Variants in ERBB4 observed in about 807,000 individuals in gnomAD.
The protein encoded by ERBB4 is erb-b2 receptor tyrosine kinase 4.
In ERBB4, 42 loss-of-function variants were observed where a neutral mutation model predicts 158.0. The observed-to-expected ratio is 0.27, with a 90% CI of 0.21 to 0.34. The LOEUF (loss-of-function observed/expected upper bound fraction) is 0.34. Ranked by LOEUF, ERBB4 falls within the 10% of genes least tolerant of loss-of-function variation. The probability of loss-of-function intolerance (pLI) is 1.00; values close to 1 mark genes in which losing one functional copy is unlikely to be tolerated. For synonymous variants in ERBB4, 583 were observed against 558.7 expected (o/e 1.04, Z -0.61); for missense variants, 1,333 against 1,624.1 (o/e 0.82, Z 3.08).
chr2:212,119,648 T>C (rs1408230296), intron 2 of ERBB4, among the ~76,000 whole-genome samples: 3 of 152,148 alleles, frequency 2.0e-5, no homozygotes, highest in African/African-American at 7.2e-5. Context: ...TTTAGGGCCT[T>C]TTTCTAGCCA....
At chr2:211,932,441 A>G (rs2080203451) in intron 3 of ERBB4, among the ~76,000 whole-genome samples, 1 of 152,040 alleles carries the variant, frequency 6.6e-6, no homozygotes, top group Admixed American at 6.6e-5. Flanking sequence ...ATGGATTGTC[A>G]ACTGTTTGCC....
chr2:212,067,810 G>A (rs1413796641), intron 2 of ERBB4, among the ~76,000 whole-genome samples: 3 of 151,918 alleles, frequency 2.0e-5, no homozygotes, highest in African/African-American at 7.2e-5. Context: ...CTGTCTTTAA[G>A]ATTTCACAAT....
chr2:212,168,865 A>G (rs1438238245), intron 1 of ERBB4, among the ~76,000 whole-genome samples: 2 of 152,220 alleles, frequency 1.3e-5, no homozygotes, highest in Non-Finnish European at 2.9e-5. Context: ...TTGGAATTAC[A>G]GTAATGTAAC....
chr2:211,963,657 A>G (rs574559759), intron 2 of ERBB4, among the ~76,000 whole-genome samples: 1 of 151,668 alleles, frequency 6.6e-6, no homozygotes, highest in Admixed American at 6.6e-5. Flanking sequence ...TTCTCTCTCC[A>G]TTGTAACCTA....
chr2:211,846,529 T>G (rs2077593612), intron 3 of ERBB4, among the ~76,000 whole-genome samples: 3 of 152,102 alleles, frequency 2.0e-5, no homozygotes, highest in Admixed American at 2.0e-4. Context: ...TGGAGAAATA[T>G]TCCTCTTATT....
chr2:212,533,673 T>C (rs1375692885), intron 1 of ERBB4, among the ~76,000 whole-genome samples: 1 of 152,214 alleles, frequency 6.6e-6, no homozygotes, highest in Non-Finnish European at 1.5e-5. Context: ...AGTAAGGTTT[T>C]AACTCTGACT....
intron 1 of ERBB4, among the ~76,000 whole-genome samples, chr2:212,225,445 G>C (rs1574470767): frequency 1.4e-5 from 2 of 141,424 alleles, no homozygotes; most frequent in East Asian, 2.3e-4. Flanking sequence ...TCATAACTGT[G>C]CTTGATCTTT....
intron 1 of ERBB4, among the ~76,000 whole-genome samples, chr2:212,182,000 C>A (rs181507397): frequency 1.1e-4 from 17 of 151,784 alleles, no homozygotes; most frequent in Middle Eastern, 3.4e-3. Context: ...TGTGTGGTAA[C>A]CTTACCACAT....
chr2:211,642,382 T>C (rs1232045333), intron 16 of ERBB4, among the ~76,000 whole-genome samples: 1 of 152,070 alleles, frequency 6.6e-6, no homozygotes, highest in African/African-American at 2.4e-5. Flanking sequence ...ATCCTTTCCC[T>C]AGTTTCTTCC....
At chr2:212,210,957 C>G (rs999462168) in intron 1 of ERBB4, among the ~76,000 whole-genome samples, 11 of 152,110 alleles carry the variant, frequency 7.2e-5, no homozygotes, top group Non-Finnish European at 8.8e-5. Flanking sequence ...TCCATTATAT[C>G]TCCTCTGCCT....
chr2:211,760,541 C>T (rs1038685198), intron 4 of ERBB4, among the ~76,000 whole-genome samples: 6 of 152,180 alleles, frequency 3.9e-5, no homozygotes, highest in Non-Finnish European at 7.3e-5. Context: ...ATTTGTGGTT[C>T]TGAATCAACA....
At chr2:211,692,752 A>T (rs78704771) in intron 12 of ERBB4, among the ~76,000 whole-genome samples, 2,567 of 152,230 alleles carry the variant, frequency 0.017, 77 homozygotes, top group African/African-American at 0.059. Flanking sequence ...TAATCATTCT[A>T]TTTTAAGATC....
chr2:212,437,149 T>C (rs1431155890), intron 1 of ERBB4, among the ~76,000 whole-genome samples: 2 of 152,214 alleles, frequency 1.3e-5, no homozygotes, highest in Middle Eastern at 3.4e-3. Context: ...ACTTGCATTG[T>C]GCCCATCCTT....
At chr2:211,861,156 T>TATA (rs2078035707) in intron 3 of ERBB4, among the ~76,000 whole-genome samples, 2 of 28,456 alleles carry the variant, frequency 7.0e-5, no homozygotes, top group African/African-American at 2.2e-4. Flanking sequence ...ATATATATAT[T>TATA]AAAAAAAAGT....
At chr2:211,841,235 TG>T (rs2077462897) in intron 3 of ERBB4, among the ~76,000 whole-genome samples, 1 of 152,110 alleles carries the variant, frequency 6.6e-6, no homozygotes, top group African/African-American at 2.4e-5. Context: ...TAGTTTCCAA[TG>T]TGCTATATTT....
At chr2:212,397,859 CTTATT>C (rs1266625419) in intron 1 of ERBB4, among the ~76,000 whole-genome samples, 4 of 151,964 alleles carry the variant, frequency 2.6e-5, no homozygotes, top group Admixed American at 1.3e-4. Context: ...TGTTTCCAGA[CTTATT>C]TTAATATTGT....
intron 20 of ERBB4, among the ~76,000 whole-genome samples, chr2:211,512,205 T>C (rs187739192): frequency 2.4e-4 from 37 of 152,246 alleles, no homozygotes; most frequent in Non-Finnish European, 4.0e-4. Context: ...TTATCTTCTA[T>C]TTTAGGGCAG....
intron 2 of ERBB4, among the ~76,000 whole-genome samples, chr2:211,979,198 T>C (rs1019524111): frequency 1.3e-5 from 2 of 152,186 alleles, no homozygotes; most frequent in Non-Finnish European, 1.5e-5. Context: ...GAGTTATGTT[T>C]ATACAAAGGG....
intron 20 of ERBB4, among the ~76,000 whole-genome samples, chr2:211,476,845 G>A (rs903085247): frequency 1.3e-5 from 2 of 152,078 alleles, no homozygotes; most frequent in Non-Finnish European, 2.9e-5. Flanking sequence ...CTCTAACAAG[G>A]CAGTTGACAA....
Sources: gnomAD v4.1 joint callset for allele counts (sites outside exome capture counted in the v4.1 genomes callset) on GRCh38, gnomAD v4.1.1 for gene constraint, MANE v1.5 for transcripts, NCBI Gene and HGNC (gene_info 2026-07-23, HGNC 2026-07-21) for gene names.